PTCHD4: variants seen among roughly 807,000 people sequenced by gnomAD.
The protein encoded by PTCHD4 is patched domain-containing protein 4.
A neutral mutation model predicts 58.1 loss-of-function variants in PTCHD4; 33 were observed. The observed-to-expected ratio is 0.57, with a 90% CI of 0.43 to 0.76. PTCHD4 has a LOEUF of 0.76. PTCHD4 is among the 30% of genes least tolerant of loss of function. The pLI is 0.00. For synonymous variants in PTCHD4, 478 were observed against 409.6 expected (o/e 1.17, Z -2.02); for missense variants, 1,058 against 1,027.1 (o/e 1.03, Z -0.41).
chr6:47,944,963 T>A (rs1024177984), intron 4 of PTCHD4, among the ~76,000 whole-genome samples: 1 of 151,836 alleles, frequency 6.6e-6, no homozygotes, highest in Admixed American at 6.6e-5. Context: ...AAAATGTGGA[T>A]AAATGTAGAG....
intron 4 of PTCHD4, among the ~76,000 whole-genome samples, chr6:47,892,825 T>C (rs988487365): frequency 4.6e-5 from 7 of 152,158 alleles, no homozygotes; most frequent in African/African-American, 1.7e-4. Context: ...TTCTTCCCAA[T>C]GAAGATGAAA....
At chr6:48,015,514 C>G (rs1274396636) in intron 3 of PTCHD4, among the ~76,000 whole-genome samples, 1 of 151,820 alleles carries the variant, frequency 6.6e-6, no homozygotes, top group Non-Finnish European at 1.5e-5. Flanking sequence ...TTGAAGAAAC[C>G]AAGTTAATTT....
chr6:48,083,184 T>C (rs1765199156), intron 1 of PTCHD4, among the ~76,000 whole-genome samples: 1 of 150,978 alleles, frequency 6.6e-6, no homozygotes, highest in East Asian at 1.9e-4. Flanking sequence ...TTTCACTAGA[T>C]AGGGTATTGG....
At chr6:47,950,343 A>G (rs1236069630) in intron 4 of PTCHD4, among the ~76,000 whole-genome samples, 1 of 152,156 alleles carries the variant, frequency 6.6e-6, no homozygotes, top group East Asian at 1.9e-4. Flanking sequence ...TCAGGACAGT[A>G]CTTAAGAGGG....
intron 4 of PTCHD4, among the ~76,000 whole-genome samples, chr6:47,897,913 A>ATTTCATCC (rs1192687245): frequency 7.7e-6 from 1 of 129,394 alleles, no homozygotes; most frequent in Non-Finnish European, 1.7e-5. Context: ...ATCTGTTATC[A>ATTTCATCC]TTTCATCCTT....
chr6:48,089,356 C>T (rs1765320846), intron 1 of PTCHD4, among the ~76,000 whole-genome samples: 1 of 152,082 alleles, frequency 6.6e-6, no homozygotes, highest in Non-Finnish European at 1.5e-5. Context: ...GGTTGAAATC[C>T]TGTTATTCTG....
intron 1 of PTCHD4, among the ~76,000 whole-genome samples, chr6:48,110,777 T>TTA (rs889114045): frequency 1.1e-3 from 155 of 140,898 alleles, no homozygotes; most frequent in African/African-American, 3.4e-3. Context: ...CTTTTCTATT[T>TTA]TATATATATA....
At chr6:48,107,225 A>G (rs1308834052) in intron 1 of PTCHD4, among the ~76,000 whole-genome samples, 2 of 152,168 alleles carry the variant, frequency 1.3e-5, no homozygotes, top group Non-Finnish European at 2.9e-5. Context: ...AGTAACCAAA[A>G]CAGCATGGTA....
intron 4 of PTCHD4, among the ~76,000 whole-genome samples, chr6:48,003,440 G>A (rs1344048310): frequency 4.6e-5 from 7 of 151,974 alleles, no homozygotes; most frequent in East Asian, 1.9e-4. Flanking sequence ...TCTCTTACAT[G>A]CCATATCTAG....
At chr6:47,951,348 AG>A (rs1429098313) in intron 4 of PTCHD4, among the ~76,000 whole-genome samples, 5 of 152,206 alleles carry the variant, frequency 3.3e-5, no homozygotes, top group Non-Finnish European at 5.9e-5. Context: ...GTTTGATATC[AG>A]CCTAGATGAC....
chr6:47,894,249 G>T (rs552273509), intron 4 of PTCHD4, among the ~76,000 whole-genome samples: 4 of 152,338 alleles, frequency 2.6e-5, no homozygotes, highest in African/African-American at 9.6e-5. Context: ...TCCCCTTTCA[G>T]CAGTCCACAG....
chr6:47,893,411 T>C (rs958654688), intron 4 of PTCHD4, among the ~76,000 whole-genome samples: 1 of 152,232 alleles, frequency 6.6e-6, no homozygotes, highest in African/African-American at 2.4e-5. Context: ...AGATGCACTG[T>C]GGAGTCAGGC....
rs1561947625 is a variant in PTCHD4, at chr6:47,901,875, T to C, written c.899-21939A>G. 3 of 1,303,492 alleles carry C rather than the reference T, an allele frequency of 2.3e-6. No individual in the cohort carries two copies. In the Admixed American group the frequency reaches 6.9e-5, roughly 30 times the overall value. The allele number at this position is 1,303,492 out of a possible 1,614,324, so 80.7% of individuals were successfully genotyped here. On this transcript the variant is annotated intron_variant, in intron 4 of 4. Transcript: ENST00000339488. ...CTCCAGTTTTTTCTCTCCTTCCTTC[T>C]CTCCTTTCTTTCTTCCAAACTAAAT...
At chr6:47,888,282 G>A (rs1764257156) in intron 4 of PTCHD4, among the ~76,000 whole-genome samples, 1 of 152,160 alleles carries the variant, frequency 6.6e-6, no homozygotes, top group Non-Finnish European at 1.5e-5. Flanking sequence ...GGGTGAACCC[G>A]AGAGGCGGAG....
intron 4 of PTCHD4, chr6:47,901,844 T>C: frequency 7.7e-7 from 1 of 1,298,498 alleles, no homozygotes; most frequent in Middle Eastern, 2.2e-4. Context: ...GTGATATTTT[T>C]CTCCTCTCCA....
intron 4 of PTCHD4, among the ~76,000 whole-genome samples, chr6:47,943,029 C>A (rs1462980153): frequency 6.6e-6 from 1 of 152,120 alleles, no homozygotes; most frequent in African/African-American, 2.4e-5. Context: ...GAAACTTGTT[C>A]TAGTTAATTA....
rs1272576650 is a variant in PTCHD4 at position 47,874,620 on chromosome 6, T to C, written c.*3683A>G. On this transcript the variant is annotated 3_prime_UTR_variant, in exon 5 of 5. Coordinates refer to ENST00000339488, the MANE Select transcript of PTCHD4 (RefSeq NM_001384253.1). ...GCTTTTACTGTCTTGAATTTAACAT[T>C]CAAGAATAACTATAATAGCATCATA... is the stretch of plus-strand genomic sequence containing the variant. 3.3e-5 allele frequency among the ~76,000 whole-genome samples: 5 copies of C among 151,758 alleles called. No homozygotes were observed. Among genetic ancestry groups the C allele is most frequent in the Non-Finnish European group, 7.4e-5 (5 of 67,816 alleles).
chr6:48,093,756 G>A (rs1186405580), intron 1 of PTCHD4, among the ~76,000 whole-genome samples: 5 of 152,136 alleles, frequency 3.3e-5, no homozygotes, highest in South Asian at 2.1e-4. Context: ...AAATGGCGAG[G>A]AAAAGAAGGA....
At chr6:48,110,685 G>A (rs1442720270) in intron 1 of PTCHD4, among the ~76,000 whole-genome samples, 1 of 150,334 alleles carries the variant, frequency 6.7e-6, no homozygotes, top group African/African-American at 2.4e-5. Context: ...TAACTGTGAA[G>A]TGATAGATAT....
Sources: allele counts gnomAD v4.1 joint callset (sites outside exome capture counted in the v4.1 genomes callset), GRCh38; gene constraint gnomAD v4.1.1; transcripts MANE v1.5; gene names NCBI Gene and HGNC (gene_info 2026-07-23, HGNC 2026-07-21).